Variants in ANO5 observed in about 807,000 individuals in gnomAD.
ANO5 encodes anoctamin 5, also known as anoctamin-5.
A neutral mutation model predicts 121.0 loss-of-function variants in ANO5; 109 were observed. The observed-to-expected ratio is 0.90, with a 90% CI of 0.77 to 1.06. The LOEUF (loss-of-function observed/expected upper bound fraction) is 1.06, where lower values mean the gene tolerates loss of function less well. Ranked by LOEUF, ANO5 falls within the 50% of genes least tolerant of loss-of-function variation. ANO5 has a pLI of 0.00. For synonymous variants in ANO5, 406 were observed against 359.9 expected (o/e 1.13, Z -1.45); for missense variants, 1,064 against 1,078.5 (o/e 0.99, Z 0.19).
chr11:22,272,572 C>T (rs1277434296), intron 18 of ANO5, among the ~76,000 whole-genome samples: 2 of 152,114 alleles, frequency 1.3e-5, no homozygotes, highest in Non-Finnish European at 2.9e-5. Context: ...AGAACTCAGC[C>T]ATGCATGCCC....
intron 9 of ANO5, 152 bp from the exon 10 acceptor site, chr11:22,250,085 G>T (rs1853753686): frequency 1.5e-6 from 1 of 661,354 alleles, no homozygotes; most frequent in Non-Finnish European, 2.6e-6. Context: ...TATGGAAACT[G>T]AAGTTTAGAG....
chr11:22,230,157 A>G (rs1261421187), intron 7 of ANO5, among the ~76,000 whole-genome samples: 1 of 152,006 alleles, frequency 6.6e-6, no homozygotes, highest in Non-Finnish European at 1.5e-5. Flanking sequence ...AGACTTTTTA[A>G]CATTAACAAA....
intron 5 of ANO5, among the ~76,000 whole-genome samples, chr11:22,225,468 C>T (rs1282399717): frequency 6.6e-6 from 1 of 152,082 alleles, no homozygotes; most frequent in South Asian, 2.1e-4. Flanking sequence ...ACAAAACGAA[C>T]AAACAAACAA....
chr11:22,251,131 C>A, intron 12 of ANO5, 120 bp downstream of exon 12: 1 of 1,038,400 alleles, frequency 9.6e-7, no homozygotes, highest in Non-Finnish European at 1.4e-6. Flanking sequence ...ATCATTGTGT[C>A]TTTGTTAGCA....
chr11:22,206,540 C>G (rs1474988894), intron 2 of ANO5, among the ~76,000 whole-genome samples: 2 of 152,044 alleles, frequency 1.3e-5, no homozygotes, highest in African/African-American at 4.8e-5. Context: ...TCTCGAACTC[C>G]TGACCTCAAG....
chr11:22,280,977 AG>A lies in ANO5; in HGVS notation c.*1217del, dbSNP rs1211902943. The A allele has an allele frequency of 6.6e-6, 1 of 152,020 alleles. No individual in the cohort carries two copies. The highest frequency in any genetic ancestry group is 1.5e-5 in the Non-Finnish European group (1 of 67,912). The allele number at this position is 152,020 out of a possible 1,614,324, so 9.4% of individuals were successfully genotyped here. On this transcript the variant is annotated 3_prime_UTR_variant, in exon 22 of 22. Coordinates refer to ENST00000324559, the MANE Select transcript of ANO5 (RefSeq NM_213599.3). ...ATGAGTTCATGGACTTAATAATCTAAGGGGGAAAAAATGTTTGTTGAATTAT... is the reference window on the plus strand; with the variant it reads ...ATGAGTTCATGGACTTAATAATCTAAGGGGAAAAAATGTTTGTTGAATTAT...
chr11:22,193,543 G>T lies in ANO5; in HGVS notation c.40+11G>T. ...TGTTGGCGGAGGAAGGTAGGACCGCGCCAAGAGGCGTCAAGGGAGAGCCAG... is the reference window on the plus strand; with the variant it reads ...TGTTGGCGGAGGAAGGTAGGACCGCTCCAAGAGGCGTCAAGGGAGAGCCAG... On this transcript the variant is annotated intron_variant, in intron 1 of 21. Coordinates refer to ENST00000324559, the MANE Select transcript of ANO5 (RefSeq NM_213599.3). 1.2e-6 allele frequency: 2 copies of T among 1,611,744 alleles called. No individual in the cohort carries two copies. The highest frequency in any genetic ancestry group is 4.5e-5 in the East Asian group (2 of 44,804).
Position 22,225,125 on chromosome 11 carries a change from T to TTTTAAAAAGAAAAAATGC in ANO5, c.295-855_295-838dup, listed in dbSNP as rs374673943. Among the ~76,000 whole-genome samples, 1,421 of 152,138 alleles carry TTTTAAAAAGAAAAAATGC rather than the reference T, an allele frequency of 9.3e-3. 18 individuals are homozygous for TTTTAAAAAGAAAAAATGC. Among genetic ancestry groups the TTTTAAAAAGAAAAAATGC allele is most frequent in the African/African-American group, 0.032 (1,338 of 41,504 alleles). The stretch of plus-strand genomic sequence containing the variant: ...TGTATATTTTAACTCAATAAAAATG[T>TTTTAAAAAGAAAAAATGC]TTTAAAAAGAAAAAATGCTTTTTTT... On this transcript the variant is annotated intron_variant, in intron 5 of 21. Coordinates refer to ENST00000324559, the MANE Select transcript of ANO5 (RefSeq NM_213599.3).
chr11:22,203,873 A>T (rs1433070881), intron 2 of ANO5, 23 bp downstream of exon 2: 5 of 1,399,528 alleles, frequency 3.6e-6, no homozygotes, highest in Non-Finnish European at 5.0e-6. Context: ...TATATGCATT[A>T]ACTTCCTTAT....
rs1275834009 is a variant in ANO5, at chr11:22,211,328, A to G, written c.138+14A>G. 2 of 1,610,958 alleles carry G rather than the reference A, an allele frequency of 1.2e-6. No individual in the cohort carries two copies. Among genetic ancestry groups the G allele is most frequent in the African/African-American group, 1.3e-5 (1 of 74,812 alleles). ...GAAGAAACAATGGTAAGCAGCGACCAGTACTATCCTTTCTTGCATGGACAC... is the reference window on the plus strand; with the variant it reads ...GAAGAAACAATGGTAAGCAGCGACCGGTACTATCCTTTCTTGCATGGACAC... On this transcript the variant is annotated intron_variant, in intron 3 of 21. Transcript: ENST00000324559.
chr11:22,247,195 G>T (rs1853654467), intron 9 of ANO5, among the ~76,000 whole-genome samples: 1 of 151,938 alleles, frequency 6.6e-6, no homozygotes, highest in African/African-American at 2.4e-5. Flanking sequence ...AGTTAGGTAA[G>T]AATATCTCAG....
chr11:22,238,282 T>TG (rs1554926733), intron 8 of ANO5, among the ~76,000 whole-genome samples: 4 of 147,178 alleles, frequency 2.7e-5, no homozygotes, highest in South Asian at 2.1e-4. Flanking sequence ...CTCATAGTTT[T>TG]TTTTTTTTTT....
intron 1 of ANO5, among the ~76,000 whole-genome samples, chr11:22,194,366 A>G (rs1851745159): frequency 6.6e-6 from 1 of 152,192 alleles, no homozygotes; most frequent in Admixed American, 6.5e-5. Flanking sequence ...AAAAGATCTG[A>G]TCATTACTAT....
At chr11:22,205,203 G>C (rs1470058006) in intron 2 of ANO5, among the ~76,000 whole-genome samples, 1 of 152,074 alleles carries the variant, frequency 6.6e-6, no homozygotes, top group African/African-American at 2.4e-5. Flanking sequence ...TTGGAGGATG[G>C]AGGGTGGGAG....
chr11:22,196,201 A>C (rs1398933947), intron 1 of ANO5, among the ~76,000 whole-genome samples: 1 of 152,180 alleles, frequency 6.6e-6, no homozygotes, highest in Admixed American at 6.5e-5. Flanking sequence ...TGGTATTGGC[A>C]TCTGACAAGG....
intron 17 of ANO5, among the ~76,000 whole-genome samples, chr11:22,263,507 T>C (rs1352075699): frequency 1.3e-5 from 2 of 152,166 alleles, no homozygotes; most frequent in African/African-American, 4.8e-5. Flanking sequence ...AAAAATAGAT[T>C]GTAAGTGAAA....
upstream of ANO5, chr11:22,193,010 G>C: frequency 1.0e-6 from 1 of 985,360 alleles, no homozygotes; most frequent in Non-Finnish European, 1.2e-6. Context: ...CGGTCTTGCG[G>C]TCTGGAGGCG....
At chr11:22,209,218 C>T (rs1008500082) in intron 2 of ANO5, among the ~76,000 whole-genome samples, 15 of 152,016 alleles carry the variant, frequency 9.9e-5, no homozygotes, top group African/African-American at 3.4e-4. Context: ...ATGAGTCCAT[C>T]ATTGGACATT....
chr11:22,252,085 C>G (rs1419104517), intron 12 of ANO5, among the ~76,000 whole-genome samples: 3 of 58,104 alleles, frequency 5.2e-5, no homozygotes, highest in Non-Finnish European at 9.9e-5. Context: ...ATTATCCAGT[C>G]AAATAACATC....
Sources: gnomAD v4.1 joint callset for allele counts (sites outside exome capture counted in the v4.1 genomes callset) on GRCh38, gnomAD v4.1.1 for gene constraint, MANE v1.5 for transcripts, NCBI Gene and HGNC (gene_info 2026-07-23, HGNC 2026-07-21) for gene names.